The following COLEC10 variants were observed in gnomAD, a reference collection of about 807,000 sequenced individuals.
COLEC10 encodes collectin-10.
COLEC10 carries 22 observed loss-of-function variants against 28.4 expected under a neutral mutation model. The observed-to-expected ratio is 0.78, with a 90% CI of 0.55 to 1.11. The LOEUF (loss-of-function observed/expected upper bound fraction) is 1.11, where lower values mean the gene tolerates loss of function less well. Ranked by LOEUF, COLEC10 falls within the 50% of genes least tolerant of loss-of-function variation. The pLI is 0.00. For missense variants in COLEC10, 361 were observed against 344.1 expected, an observed-to-expected ratio of 1.05 and a Z score of -0.39; for synonymous variants, 125 against 116.1, an observed-to-expected ratio of 1.08 and a Z score of -0.49.
intron 2 of COLEC10, among the ~76,000 whole-genome samples, chr8:119,051,661 A>G (rs769358328): frequency 2.0e-5 from 3 of 152,218 alleles, no homozygotes; most frequent in Non-Finnish European, 4.4e-5. Context: ...TGAGGAAAGA[A>G]AATAAAAACA....
chr8:118,977,192 C>A, the COLEC10 span, among the ~76,000 whole-genome samples: 2 of 144,076 alleles, frequency 1.4e-5, no homozygotes, highest in African/African-American at 4.9e-5. Context: ...GTCAGTGTGG[C>A]GATTCCTCAG....
chr8:119,006,092 C>T (rs1349807132), intron 1 of COLEC10, among the ~76,000 whole-genome samples: 1 of 152,032 alleles, frequency 6.6e-6, no homozygotes, highest in Non-Finnish European at 1.5e-5. Context: ...TTGTGGAGTT[C>T]ATTTTCTACC....
At chr8:119,089,813 C>T in intron 2 of COLEC10, 62 bp downstream of exon 2, 2 of 1,388,814 alleles carry the variant, frequency 1.4e-6, no homozygotes, top group African/African-American at 1.4e-5. Context: ...TCTCTCCTGG[C>T]CCTTGCCCTG....
At chr8:118,975,210 A>G in the COLEC10 span, among the ~76,000 whole-genome samples, 1 of 152,062 alleles carries the variant, frequency 6.6e-6, no homozygotes, top group Admixed American at 6.6e-5. Context: ...CTACATCAGA[A>G]TAGATATTAA....
intron 2 of COLEC10, among the ~76,000 whole-genome samples, chr8:119,024,022 G>A (rs1814143488): frequency 6.6e-6 from 1 of 152,156 alleles, no homozygotes; most frequent in Admixed American, 6.5e-5. Flanking sequence ...AATGTAATAA[G>A]GGCTGGGAGG....
At chr8:118,961,929 C>T in the COLEC10 span, among the ~76,000 whole-genome samples, 1 of 152,118 alleles carries the variant, frequency 6.6e-6, no homozygotes, top group Non-Finnish European at 1.5e-5. Flanking sequence ...TGCAAGTTGG[C>T]ATGTCAGCTA....
intron 1 of COLEC10, among the ~76,000 whole-genome samples, chr8:119,071,721 T>C (rs1023709917): frequency 2.0e-5 from 3 of 152,058 alleles, no homozygotes; most frequent in Non-Finnish European, 2.9e-5. Flanking sequence ...ATACCAGTCC[T>C]TCTTGCTGAG....
upstream of COLEC10, among the ~76,000 whole-genome samples, chr8:119,065,402 G>A (rs934186543): frequency 6.6e-6 from 1 of 152,118 alleles, no homozygotes; most frequent in Non-Finnish European, 1.5e-5. Context: ...AGAATCTAAT[G>A]CCTGATGATC....
chr8:119,083,379 C>A (rs560070152), intron 1 of COLEC10, among the ~76,000 whole-genome samples: 2 of 152,252 alleles, frequency 1.3e-5, no homozygotes, highest in South Asian at 4.1e-4. Flanking sequence ...GACTTGTGGG[C>A]TCTTATTGGG....
chr8:119,015,580 T>C (rs1175063878), intron 2 of COLEC10, among the ~76,000 whole-genome samples: 1 of 152,184 alleles, frequency 6.6e-6, no homozygotes, highest in African/African-American at 2.4e-5. Context: ...AACCCTGCAA[T>C]AACTGGGTCC....
chr8:118,983,643 A>T, the COLEC10 span, among the ~76,000 whole-genome samples: 2 of 152,234 alleles, frequency 1.3e-5, no homozygotes, highest in Middle Eastern at 6.8e-3. Flanking sequence ...TTTTACAGGC[A>T]AAAAACAACC....
intron 1 of COLEC10, among the ~76,000 whole-genome samples, chr8:118,996,035 C>A (rs4567065): frequency 0.67 from 101,549 of 151,918 alleles, 35,273 homozygotes; most frequent in African/African-American, 0.87. Flanking sequence ...TTGAACAGCA[C>A]CTTCTCAGTC....
chr8:119,024,425 T>G (rs958462615), intron 2 of COLEC10, among the ~76,000 whole-genome samples: 5 of 152,126 alleles, frequency 3.3e-5, no homozygotes, highest in African/African-American at 1.2e-4. Context: ...GCATAAGTTA[T>G]GTATATGACC....
At chr8:119,010,252 G>A (rs911412100) in intron 2 of COLEC10, among the ~76,000 whole-genome samples, 5 of 150,786 alleles carry the variant, frequency 3.3e-5, no homozygotes, top group Non-Finnish European at 7.4e-5. Flanking sequence ...GTGTCAAATA[G>A]TTGGGATACT....
intron 1 of COLEC10, among the ~76,000 whole-genome samples, chr8:119,086,397 G>T (rs962836799): frequency 2.0e-5 from 3 of 151,830 alleles, no homozygotes; most frequent in Admixed American, 2.0e-4. Context: ...GGTGGGGGGG[G>T]TCCCTATCCA....
intron 3 of COLEC10, among the ~76,000 whole-genome samples, chr8:119,100,099 A>T (rs149878981): frequency 1.2e-4 from 18 of 152,302 alleles, no homozygotes; most frequent in African/African-American, 4.3e-4. Flanking sequence ...AATGTTTTTG[A>T]TGGTGATGAG....
chr8:119,018,625 G>T (rs1418452101), intron 2 of COLEC10, among the ~76,000 whole-genome samples: 1 of 152,178 alleles, frequency 6.6e-6, no homozygotes, highest in African/African-American at 2.4e-5. Context: ...TATGTCTTGT[G>T]ACTTGATTTT....
chr8:118,963,186 A>T, the COLEC10 span, among the ~76,000 whole-genome samples: 9 of 152,224 alleles, frequency 5.9e-5, no homozygotes, highest in African/African-American at 2.2e-4. Context: ...AAAGTGATAA[A>T]GGTAATAACA....
rs1247216208 is a variant in COLEC10 at position 119,107,836 on chromosome 8, T to C, written c.*1645T>C. Among the ~76,000 whole-genome samples, 1 of 152,316 alleles carries C rather than the reference T, an allele frequency of 6.6e-6. No homozygotes were observed. Among genetic ancestry groups the C allele is most frequent in the African/African-American group, 2.4e-5 (1 of 41,582 alleles). ...AAGAGAAGTCAGAAAGCTGGGACTT[T>C]GTAACATAAGCTCATATTTTAATAT... On this transcript the variant is annotated 3_prime_UTR_variant, in exon 6 of 6. Transcript: ENST00000332843.
Sources: allele counts gnomAD v4.1 joint callset (sites outside exome capture counted in the v4.1 genomes callset), GRCh38; gene constraint gnomAD v4.1.1; transcripts MANE v1.5; gene names NCBI Gene and HGNC (gene_info 2026-07-23, HGNC 2026-07-21).